Variants in NCAM1 observed in about 807,000 individuals in gnomAD.
NCAM1 encodes the protein neural cell adhesion molecule 1, also known as antigen recognized by monoclonal antibody 5.1H11.
NCAM1 carries 14 observed loss-of-function variants against 109.8 expected under a neutral mutation model. That is an observed-to-expected ratio of 0.13 (90% CI 0.08 to 0.20). The LOEUF (loss-of-function observed/expected upper bound fraction) is 0.20. NCAM1 is among the 10% of genes least tolerant of loss of function. The probability of loss-of-function intolerance (pLI) is 1.00; values close to 1 mark genes in which losing one functional copy is unlikely to be tolerated. For synonymous variants in NCAM1, 418 were observed against 442.9 expected, an observed-to-expected ratio of 0.94 and a Z score of 0.70; for missense variants, 774 against 1,109.9, an observed-to-expected ratio of 0.70 and a Z score of 4.30.
chr11:113,230,709 A>G (rs1427007413), intron 9 of NCAM1, among the ~76,000 whole-genome samples: 6 of 152,344 alleles, frequency 3.9e-5, no homozygotes, highest in African/African-American at 1.4e-4. Context: ...TACTGGAGAC[A>G]AGAGGGCCCA....
At chr11:113,119,134 G>A (rs543049631) in intron 1 of NCAM1, among the ~76,000 whole-genome samples, 3 of 116,466 alleles carry the variant, frequency 2.6e-5, no homozygotes, top group Non-Finnish European at 5.6e-5. Context: ...GGAAGTAGAG[G>A]TGACATTAGA....
chr11:113,079,014 G>A lies in NCAM1; in HGVS notation c.52+117350G>A, dbSNP rs574344492. The stretch of plus-strand genomic sequence containing the variant: ...GGTCAGCAGGAGTGTCAAGGAAGCC[G>A]GTCAGTAGGGAGAGCTGACTCAACA... On this transcript the variant is annotated intron_variant, in intron 1 of 19. Transcript: ENST00000316851. Among the ~76,000 whole-genome samples, 10 of 152,226 alleles carry A rather than the reference G, an allele frequency of 6.6e-5. 1 individual carries two copies. The East Asian group carries it at 1.5e-3, about 24-fold the overall frequency.
rs1946422374 is a variant in NCAM1, at chr11:113,277,540, G to A, written c.*2153G>A. On this transcript the variant is annotated 3_prime_UTR_variant, in exon 20 of 20. Transcript: ENST00000316851. ...GGGAGGGCCCAGCAGTGAGGGGCAG[G>A]CTCTTCTGGTCACCAGGCTGTTCAG... is the stretch of plus-strand genomic sequence containing the variant. The A allele has an allele frequency of 2.0e-5, 8 of 397,862 alleles. No homozygotes were observed. The allele number at this position is 397,862 out of a possible 1,614,324, so 24.6% of individuals were successfully genotyped here. A position where few individuals can be genotyped will look rare whatever the true frequency, so the allele number is the denominator to read the frequency against.
At chr11:113,188,512 C>T (rs782784425) in intron 1 of NCAM1, among the ~76,000 whole-genome samples, 18 of 152,186 alleles carry the variant, frequency 1.2e-4, no homozygotes, top group South Asian at 4.1e-4. Flanking sequence ...CATTATATTT[C>T]AAAACATCCT....
chr11:112,965,317 T>C (rs1227808751), intron 1 of NCAM1, among the ~76,000 whole-genome samples: 1 of 152,188 alleles, frequency 6.6e-6, no homozygotes, highest in Non-Finnish European at 1.5e-5. Context: ...TGTGGGTGTT[T>C]ACTGAAGGCA....
chr11:113,231,599 C>T (rs782347372), intron 9 of NCAM1, 46 bp from the exon 10 acceptor site: 4 of 1,595,108 alleles, frequency 2.5e-6, no homozygotes, highest in Non-Finnish European at 3.4e-6. Flanking sequence ...TGCCCTTCAC[C>T]CTGCCTTGGG....
At chr11:113,198,161 GT>G (rs1370818027) in intron 1 of NCAM1, among the ~76,000 whole-genome samples, 3 of 152,128 alleles carry the variant, frequency 2.0e-5, no homozygotes, top group Admixed American at 2.0e-4. Context: ...TTTTCTGTCT[GT>G]GAACAAGGGA....
intron 14 of NCAM1, among the ~76,000 whole-genome samples, chr11:113,240,034 A>G (rs1466651508): frequency 6.6e-6 from 1 of 152,182 alleles, no homozygotes; most frequent in African/African-American, 2.4e-5. Flanking sequence ...CAGATGCACA[A>G]CTAACCATCC....
At chr11:113,211,109 C>A (rs1322113897) in intron 7 of NCAM1, among the ~76,000 whole-genome samples, 4 of 152,170 alleles carry the variant, frequency 2.6e-5, no homozygotes, top group African/African-American at 9.7e-5. Flanking sequence ...GTTGAGGAAA[C>A]TGATATAGGG....
At chr11:113,208,427 C>T (rs1555113244) in intron 7 of NCAM1, among the ~76,000 whole-genome samples, 1 of 152,082 alleles carries the variant, frequency 6.6e-6, no homozygotes, top group East Asian at 1.9e-4. Context: ...CAAAGTTCTC[C>T]AACCACACAG....
intron 1 of NCAM1, among the ~76,000 whole-genome samples, chr11:113,195,797 C>T (rs564225100): frequency 5.3e-5 from 8 of 152,126 alleles, no homozygotes; most frequent in East Asian, 1.9e-4. Context: ...TGAGCCACCG[C>T]GCCTGGCCAC....
intron 7 of NCAM1, among the ~76,000 whole-genome samples, chr11:113,212,643 T>C (rs949495373): frequency 6.6e-6 from 1 of 152,122 alleles, no homozygotes; most frequent in African/African-American, 2.4e-5. Context: ...TATGGCCACA[T>C]TTTTTTTAAA....
intron 8 of NCAM1, among the ~76,000 whole-genome samples, chr11:113,219,780 A>C (rs962322528): frequency 6.6e-6 from 1 of 152,238 alleles, no homozygotes; most frequent in Non-Finnish European, 1.5e-5. Flanking sequence ...CAAAAGAAAG[A>C]TCTTGATTCC....
At chr11:113,073,951 C>T (rs1938410372) in intron 1 of NCAM1, among the ~76,000 whole-genome samples, 3 of 152,150 alleles carry the variant, frequency 2.0e-5, no homozygotes, top group Non-Finnish European at 4.4e-5. Context: ...AGTGGCAGTG[C>T]CTAGCTGTTT....
intron 1 of NCAM1, among the ~76,000 whole-genome samples, chr11:113,030,637 T>C (rs1952686791): frequency 1.3e-5 from 2 of 152,330 alleles, no homozygotes; most frequent in South Asian, 4.1e-4. Flanking sequence ...ACATCAGTTG[T>C]ACATTAGACA....
intron 9 of NCAM1, among the ~76,000 whole-genome samples, chr11:113,227,362 C>A (rs1183618437): frequency 6.6e-6 from 1 of 152,152 alleles, no homozygotes; most frequent in Non-Finnish European, 1.5e-5. Flanking sequence ...GACACATACA[C>A]CCTCCCAAGA....
intron 7 of NCAM1, among the ~76,000 whole-genome samples, chr11:113,210,977 T>C (rs1944376188): frequency 6.6e-6 from 1 of 152,180 alleles, no homozygotes; most frequent in Non-Finnish European, 1.5e-5. Flanking sequence ...TCCCCTGTCA[T>C]AGTCTGCGGA....
chr11:113,079,068 A>G (rs1287341443), intron 1 of NCAM1, among the ~76,000 whole-genome samples: 2 of 152,098 alleles, frequency 1.3e-5, no homozygotes, highest in Non-Finnish European at 2.9e-5. Flanking sequence ...AGGCACCATG[A>G]TGGAGGGGCA....
rs951130311 is a variant in NCAM1 at position 113,043,487 on chromosome 11, C to T, written c.52+81823C>T. 1.4e-4 allele frequency among the ~76,000 whole-genome samples: 22 copies of T among 152,170 alleles called. 1 individual carries two copies. The highest frequency in any genetic ancestry group is 1.0e-3 in the South Asian group (5 of 4,826). Reference sequence around the variant, plus strand: ...GAGTAGCTGGATTTACAGGCATGTGCCACCACGCCCAGCTAATTTTTGTAT... The same window carrying T: ...GAGTAGCTGGATTTACAGGCATGTGTCACCACGCCCAGCTAATTTTTGTAT... On this transcript the variant is annotated intron_variant, in intron 1 of 19. Coordinates refer to ENST00000316851, the MANE Select transcript of NCAM1 (RefSeq NM_181351.5).
Sources: gnomAD v4.1 joint callset for allele counts (sites outside exome capture counted in the v4.1 genomes callset) on GRCh38, gnomAD v4.1.1 for gene constraint, MANE v1.5 for transcripts, NCBI Gene and HGNC (gene_info 2026-07-23, HGNC 2026-07-21) for gene names.